LRCH1: variants seen among roughly 807,000 people sequenced by gnomAD.
LRCH1 encodes the protein leucine rich repeats and calponin homology domain containing 1, also known as leucine-rich repeat and calponin homology domain-containing protein 1.
In LRCH1, 23 loss-of-function variants were observed where a neutral mutation model predicts 94.9. The ratio of observed to expected loss-of-function variants is 0.24; its 90% confidence interval spans 0.17 to 0.34. LRCH1 has a LOEUF of 0.34. LRCH1 is among the 10% of genes least tolerant of loss of function. The pLI is 1.00. For synonymous variants in LRCH1, 364 were observed against 354.9 expected, an observed-to-expected ratio of 1.03 and a Z score of -0.29; for missense variants, 790 against 945.9, an observed-to-expected ratio of 0.84 and a Z score of 2.16.
At chr13:46,728,769 T>C in intron 17 of LRCH1, 78 bp from the exon 18 acceptor site, 3 of 1,353,594 alleles carry the variant, frequency 2.2e-6, no homozygotes, top group Non-Finnish European at 3.0e-6. Flanking sequence ...CCTCAGTTCA[T>C]AAATACCCAT....
At chr13:46,579,436 T>G (rs2050340885) in intron 1 of LRCH1, among the ~76,000 whole-genome samples, 1 of 146,782 alleles carries the variant, frequency 6.8e-6, no homozygotes, top group South Asian at 2.2e-4. Flanking sequence ...TATTTTTAGT[T>G]ATTTTTTCTT....
chr13:46,603,673 T>C (rs1010671785), intron 1 of LRCH1, among the ~76,000 whole-genome samples: 6 of 152,226 alleles, frequency 3.9e-5, no homozygotes, highest in African/African-American at 1.4e-4. Context: ...TACTTTACTA[T>C]TCAGAGTACT....
chr13:46,627,614 G>A (rs1244796394), intron 1 of LRCH1, among the ~76,000 whole-genome samples: 1 of 151,872 alleles, frequency 6.6e-6, no homozygotes, highest in Non-Finnish European at 1.5e-5. Flanking sequence ...CTCAGCCCTG[G>A]TCCACCTACC....
intron 1 of LRCH1, among the ~76,000 whole-genome samples, chr13:46,590,380 T>C (rs1478344277): frequency 6.6e-6 from 1 of 152,242 alleles, no homozygotes; most frequent in Non-Finnish European, 1.5e-5. Context: ...GCAATTTCCT[T>C]GTATACGTTT....
At chr13:46,590,670 T>C (rs2050489250) in intron 1 of LRCH1, among the ~76,000 whole-genome samples, 1 of 152,008 alleles carries the variant, frequency 6.6e-6, no homozygotes, top group Non-Finnish European at 1.5e-5. Context: ...ATCTCAAAAA[T>C]AAAATAAAAT....
intron 1 of LRCH1, among the ~76,000 whole-genome samples, chr13:46,575,410 G>T (rs1323905495): frequency 6.6e-6 from 1 of 152,084 alleles, no homozygotes; most frequent in East Asian, 1.9e-4. Flanking sequence ...GATAGAACTG[G>T]GCGTGGGAGG....
chr13:46,738,378 A>G (rs1381460696), intron 19 of LRCH1, among the ~76,000 whole-genome samples: 1 of 152,208 alleles, frequency 6.6e-6, no homozygotes, highest in Non-Finnish European at 1.5e-5. Flanking sequence ...ATTATGGCTG[A>G]GTTTTCCTTA....
chr13:46,613,324 A>G (rs1431414701), intron 1 of LRCH1, among the ~76,000 whole-genome samples: 2 of 151,630 alleles, frequency 1.3e-5, no homozygotes, highest in Non-Finnish European at 2.9e-5. Flanking sequence ...AGGGAGTCAG[A>G]GGTTGCAATG....
At chr13:46,711,683 T>C (rs778889818) in intron 13 of LRCH1, 108 bp from the exon 14 acceptor site, 14 of 701,490 alleles carry the variant, frequency 2.0e-5, no homozygotes, top group Non-Finnish European at 3.5e-5. Flanking sequence ...AGATATTCAT[T>C]GTGCACCTAT....
chr13:46,711,796 A>G lies in LRCH1; in HGVS notation c.1533A>G (p.Gln511=). Residue 511 remains glutamine, a synonymous_variant, in exon 14 of 20, where the codon CAA becomes CAG. Coordinates refer to ENST00000389797, the MANE Select transcript of LRCH1 (RefSeq NM_001164211.2). ...CTTTGTTCTTCTTTTTTAAGGTGCA[A>G]AGTGATCTAACATTACAGAGTAACG... ...QLETSPVCEV[Q]SDLTLQSNGS... 1 of 1,612,932 alleles carries G rather than the reference A, an allele frequency of 6.2e-7. No individual in the cohort carries two copies. Among genetic ancestry groups the G allele is most frequent in the Non-Finnish European group, 8.5e-7 (1 of 1,179,262 alleles).
chr13:46,641,814 A>G (rs1466157542), intron 1 of LRCH1, among the ~76,000 whole-genome samples: 1 of 152,130 alleles, frequency 6.6e-6, no homozygotes, highest in Non-Finnish European at 1.5e-5. Context: ...GATTCCATTG[A>G]CTGTTTTTCT....
chr13:46,675,073 G>T (rs1489906528), intron 3 of LRCH1, among the ~76,000 whole-genome samples: 3 of 152,214 alleles, frequency 2.0e-5, no homozygotes, highest in African/African-American at 7.2e-5. Flanking sequence ...TCAGGGAAGG[G>T]ATCTGTAGAC....
chr13:46,711,963 G>A, intron 14 of LRCH1, 119 bp downstream of exon 14: 1 of 729,278 alleles, frequency 1.4e-6, no homozygotes, highest in Non-Finnish European at 2.3e-6. Context: ...GTCTTTGGGG[G>A]AATCCGTCTA....
intron 16 of LRCH1, among the ~76,000 whole-genome samples, chr13:46,718,708 T>C (rs1872447941): frequency 6.6e-6 from 1 of 152,204 alleles, no homozygotes; most frequent in African/African-American, 2.4e-5. Context: ...TGATTCACAG[T>C]AGCCTGGATC....
rs118178662 is a variant in LRCH1, at chr13:46,595,349, C to T, written c.307+41646C>T. Among the ~76,000 whole-genome samples the T allele has an allele frequency of 8.4e-4, 128 of 152,300 alleles. 4 individuals carry two copies. In the East Asian group the frequency reaches 0.02, roughly 24 times the overall value. ...ACCATGCAGTAAGTGACTTCCTCAC[C>T]GCTGATGTGGCAGACCTGCTCTGCA... On this transcript the variant is annotated intron_variant, in intron 1 of 19. Coordinates refer to ENST00000389797, the MANE Select transcript of LRCH1 (RefSeq NM_001164211.2).
intron 1 of LRCH1, among the ~76,000 whole-genome samples, chr13:46,575,754 A>C (rs542658440): frequency 6.6e-6 from 1 of 152,288 alleles, no homozygotes; most frequent in African/African-American, 2.4e-5. Context: ...CCATTGCCTA[A>C]TTTATATTTA....
intron 2 of LRCH1, among the ~76,000 whole-genome samples, chr13:46,657,115 G>C (rs1246881358): frequency 6.6e-6 from 1 of 152,044 alleles, no homozygotes; most frequent in Non-Finnish European, 1.5e-5. Context: ...TTGTGCAGCA[G>C]GTTAGTGCTC....
At chr13:46,747,718 T>G (rs1873967869), downstream of LRCH1, among the ~76,000 whole-genome samples, 1 of 152,096 alleles carries the variant, frequency 6.6e-6, no homozygotes, top group African/African-American at 2.4e-5. Flanking sequence ...GTTGAGCTTA[T>G]GTGTCATATA....
intron 18 of LRCH1, among the ~76,000 whole-genome samples, chr13:46,750,114 T>TG (rs2138263928): frequency 6.6e-6 from 1 of 152,340 alleles, no homozygotes; most frequent in Admixed American, 6.5e-5. Context: ...TGAAGTTCTA[T>TG]GGTCAGTATA....
Sources: allele counts gnomAD v4.1 joint callset (sites outside exome capture counted in the v4.1 genomes callset), GRCh38; gene constraint gnomAD v4.1.1; transcripts MANE v1.5; gene names NCBI Gene and HGNC (gene_info 2026-07-23, HGNC 2026-07-21).